Variants in TOX4 observed in about 807,000 individuals in gnomAD.
TOX4 encodes TOX high mobility group box family member 4.
In TOX4, 12 loss-of-function variants were observed where a neutral mutation model predicts 61.0. The observed-to-expected ratio is 0.20, with a 90% CI of 0.13 to 0.32. TOX4 has a LOEUF of 0.32. Among genes scored for constraint, TOX4 ranks in the 10% least tolerant of loss-of-function variants. The pLI is 1.00. For synonymous variants in TOX4, 268 were observed against 274.8 expected, an observed-to-expected ratio of 0.98 and a Z score of 0.24; for missense variants, 499 against 753.3, an observed-to-expected ratio of 0.66 and a Z score of 3.95.
chr14:21,488,426 A>T (rs1052067920), intron 3 of TOX4, 164 bp from the exon 4 acceptor site: 14 of 744,516 alleles, frequency 1.9e-5, no homozygotes, highest in African/African-American at 3.5e-5. Context: ...GTACTTTTTT[A>T]AAAAGCTTAT....
Position 21,492,351 on chromosome 14 carries a change from C to T in TOX4, c.866C>T (p.Ala289Val). The change falls in exon 6 of 9, where the codon GCT becomes GTT. Residue 289 changes from alanine to valine, a missense_variant. Ala to Val is a moderately conservative substitution (Grantham distance 64). Around this residue, in one of 7 missense-constraint regions of TOX4, gnomAD observed 296 missense variants for 404.7 expected, o/e 0.73. Coordinates refer to ENST00000448790, the MANE Select transcript of TOX4 (RefSeq NM_014828.4). Reference protein sequence around the residue: ...AKKEYLKALAAYKDNQECQAT... With the variant: ...AKKEYLKALAVYKDNQECQAT... ...AAAGAGTATCTGAAGGCACTGGCTG[C>T]TTACAAAGACAACCAGGAGTGTCAG... is the stretch of plus-strand genomic sequence containing the variant. 6.2e-7 allele frequency: 1 copy of T among 1,613,736 alleles called. No homozygotes were observed. The highest frequency in any genetic ancestry group is 1.7e-5 in the Admixed American group (1 of 59,980).
intron 7 of TOX4, among the ~76,000 whole-genome samples, chr14:21,494,331 TGTG>T (rs1451309346): frequency 6.6e-6 from 1 of 152,118 alleles, no homozygotes; most frequent in South Asian, 2.1e-4. Flanking sequence ...TATGGCCAGG[TGTG>T]GTGGCTCACG....
rs1172243729 is a variant in TOX4, at chr14:21,488,785, C to T, written c.514C>T (p.Arg172Cys). Residue 172 changes from arginine (R) to cysteine (C), a missense_variant, in exon 4 of 9, where the codon CGT becomes TGT. This residue lies in a region of TOX4 where 61 missense variants were observed against 76.1 expected (regional missense o/e 0.80). Transcript: ENST00000448790. ...ILPPAQSPEDRLSTTPSPTSS... is the reference protein window; with the variant it reads ...ILPPAQSPEDCLSTTPSPTSS... ...GCCACCTGCCCAGTCACCTGAAGATCGTCTTTCAACCACCCCTTCACCTAC... is the reference window on the plus strand; with the variant it reads ...GCCACCTGCCCAGTCACCTGAAGATTGTCTTTCAACCACCCCTTCACCTAC... 13 of 1,614,180 alleles carry T rather than the reference C, an allele frequency of 8.1e-6. No individual in the cohort carries two copies. The highest frequency in any genetic ancestry group is 4.5e-5 in the East Asian group (2 of 44,884).
intron 5 of TOX4, 122 bp from the exon 6 acceptor site, chr14:21,492,174 T>G (rs750206576): frequency 2.2e-6 from 2 of 895,780 alleles, no homozygotes; most frequent in South Asian, 3.5e-5. Flanking sequence ...AATTCACTGA[T>G]AGAGGTTGTC....
chr14:21,484,939 G>A lies in TOX4; in HGVS notation c.76-2512G>A, dbSNP rs1206782561. On this transcript the variant is annotated intron_variant, in intron 2 of 8. Transcript: ENST00000448790. ...CTCCCGAAGTGCTGGGATTACAGGCGTGAGCCACTGCTCCCAGCCTAATGT... is the reference window on the plus strand; with the variant it reads ...CTCCCGAAGTGCTGGGATTACAGGCATGAGCCACTGCTCCCAGCCTAATGT... Among the ~76,000 whole-genome samples, 7 of 107,134 alleles carry A rather than the reference G, an allele frequency of 6.5e-5. 2 individuals carry two copies. Among genetic ancestry groups the A allele is most frequent in the African/African-American group, 2.1e-4 (6 of 28,562 alleles). The allele number at this position is 107,134 out of a possible 152,430, so 70.3% of individuals were successfully genotyped here. A position where few individuals can be genotyped will look rare whatever the true frequency, so the allele number is the denominator to read the frequency against.
chr14:21,488,958 G>A, intron 4 of TOX4, 108 bp downstream of exon 4: 2 of 1,480,502 alleles, frequency 1.4e-6, no homozygotes, highest in Non-Finnish European at 1.8e-6. Flanking sequence ...CATCTCCTCT[G>A]CTGTTTTCTG....
At position 21,498,207 on chromosome 14, in the gene TOX4, T is replaced by G. The variant is rs1317023801; in HGVS notation, c.*1601T>G. The G allele has an allele frequency of 9.6e-7, 1 of 1,041,548 alleles. No individual in the cohort carries two copies. Among genetic ancestry groups the G allele is most frequent in the Non-Finnish European group, 1.5e-6 (1 of 661,576 alleles). The allele number at this position is 1,041,548 out of a possible 1,614,324, so 64.5% of individuals were successfully genotyped here. A position where few individuals can be genotyped will look rare whatever the true frequency, so the allele number is the denominator to read the frequency against. On this transcript the variant is annotated 3_prime_UTR_variant, in exon 9 of 9. Transcript: ENST00000448790. Reference sequence around the variant, plus strand: ...ATTGTACAAATATCACTCTTCAGGTTTAGCTTACAGAGCCATGGCTATGGA... The same window carrying G: ...ATTGTACAAATATCACTCTTCAGGTGTAGCTTACAGAGCCATGGCTATGGA...
At chr14:21,493,939 C>T (rs1197614883) in intron 7 of TOX4, among the ~76,000 whole-genome samples, 1 of 152,058 alleles carries the variant, frequency 6.6e-6, no homozygotes, top group East Asian at 1.9e-4. Context: ...TTATTAGAGA[C>T]AGAGTTTCAC....
chr14:21,483,387 CT>C (rs34480307), intron 2 of TOX4, among the ~76,000 whole-genome samples: 144 of 143,156 alleles, frequency 1.0e-3, no homozygotes, highest in East Asian at 3.0e-3. Context: ...GTTCCTATAA[CT>C]TTTTTTTTTT....
At chr14:21,491,518 C>T (rs28694613) in intron 5 of TOX4, among the ~76,000 whole-genome samples, 73,577 of 149,312 alleles carry the variant, frequency 0.49, 18,077 homozygotes, top group East Asian at 0.63. Flanking sequence ...ATCACCACGC[C>T]GGGCTAGTTT....
chr14:21,495,470 A>G (rs1313590567), intron 8 of TOX4, 78 bp downstream of exon 8: 1 of 1,519,062 alleles, frequency 6.6e-7, no homozygotes, highest in Non-Finnish European at 8.9e-7. Context: ...TGAGCATAAA[A>G]TCAGCATCTC....
chr14:21,490,374 C>T (rs1891265717), intron 5 of TOX4, among the ~76,000 whole-genome samples: 1 of 152,118 alleles, frequency 6.6e-6, no homozygotes, highest in Non-Finnish European at 1.5e-5. Flanking sequence ...ACTCAGGCGG[C>T]TGAGGCAGGA....
At chr14:21,493,408 G>A (rs199949022) in intron 7 of TOX4, 151 bp downstream of exon 7, 1 of 744,156 alleles carries the variant, frequency 1.3e-6, no homozygotes, top group Non-Finnish European at 2.1e-6. Context: ...TGCAGCAGTT[G>A]ACTTCTCTTA....
At chr14:21,493,310 T>C in intron 7 of TOX4, 53 bp downstream of exon 7, 1 of 1,532,114 alleles carries the variant, frequency 6.5e-7, no homozygotes, top group South Asian at 1.3e-5. Context: ...AAAAATGTTT[T>C]TGGTTGACCC....
rs1891448716 is a variant in TOX4 at position 21,497,996 on chromosome 14, T to G, written c.*1390T>G. ...CTGTGCCTAGCCTATAATGATCATTTTAATGTTTCCCATGCACTCATTTAG... is the reference window on the plus strand; with the variant it reads ...CTGTGCCTAGCCTATAATGATCATTGTAATGTTTCCCATGCACTCATTTAG... On this transcript the variant is annotated 3_prime_UTR_variant, in exon 9 of 9. Coordinates refer to ENST00000448790, the MANE Select transcript of TOX4 (RefSeq NM_014828.4). 1 of 424,400 alleles carries G rather than the reference T, an allele frequency of 2.4e-6. No individual in the cohort carries two copies. The allele number at this position is 424,400 out of a possible 1,614,324, so 26.3% of individuals were successfully genotyped here. A position where few individuals can be genotyped will look rare whatever the true frequency, so the allele number is the denominator to read the frequency against.
At chr14:21,494,749 CAAA>C (rs71419140) in intron 7 of TOX4, among the ~76,000 whole-genome samples, 32,384 of 104,960 alleles carry the variant, frequency 0.31, 3,930 homozygotes, top group Middle Eastern at 0.43. Flanking sequence ...GACTCCGTCT[CAAA>C]AAAAAAAAAA....
chr14:21,491,053 G>C (rs181517998), intron 5 of TOX4, among the ~76,000 whole-genome samples: 1 of 152,374 alleles, frequency 6.6e-6, no homozygotes, highest in African/African-American at 2.4e-5. Flanking sequence ...CCAAACTCCT[G>C]ACCTCAGGTG....
At chr14:21,487,812 G>C in intron 3 of TOX4, 119 bp downstream of exon 3, 2 of 1,217,656 alleles carry the variant, frequency 1.6e-6, no homozygotes, top group East Asian at 2.8e-5. Flanking sequence ...TGTGGCTAAA[G>C]GCTCACCAAC....
Position 21,498,259 on chromosome 14 carries a change from T to TATAGGTTTAGAG in TOX4, c.*1656_*1657insGGTTTAGAGATA. Reference sequence around the variant, plus strand: ...TCTTAGCTCTGTAAGGAAGTGCTTCTATAAATTCTTAGGTTTAGAGATGAT... The same window carrying TATAGGTTTAGAG: ...TCTTAGCTCTGTAAGGAAGTGCTTCTATAGGTTTAGAGATAAATTCTTAGGTTTAGAGATGAT... On this transcript the variant is annotated 3_prime_UTR_variant, in exon 9 of 9. Coordinates refer to ENST00000448790, the MANE Select transcript of TOX4 (RefSeq NM_014828.4). 6.4e-7 allele frequency: 1 copy of TATAGGTTTAGAG among 1,556,824 alleles called. No individual in the cohort carries two copies. Among genetic ancestry groups the TATAGGTTTAGAG allele is most frequent in the Non-Finnish European group, 8.9e-7 (1 of 1,127,744 alleles).
Sources: allele counts gnomAD v4.1 joint callset (sites outside exome capture counted in the v4.1 genomes callset), GRCh38; gene constraint gnomAD v4.1.1; regional missense constraint gnomAD v4.1.1; transcripts MANE v1.5; gene names NCBI Gene and HGNC (gene_info 2026-07-23, HGNC 2026-07-21).